CELSR1: variants seen among roughly 807,000 people sequenced by gnomAD.
CELSR1 encodes the protein cadherin EGF LAG seven-pass G-type receptor 1.
In CELSR1, 110 loss-of-function variants were observed where a neutral mutation model predicts 249.1. The observed-to-expected ratio is 0.44, with a 90% CI of 0.38 to 0.52. The LOEUF (loss-of-function observed/expected upper bound fraction) is 0.52, where lower values mean the gene tolerates loss of function less well. CELSR1 is among the 20% of genes least tolerant of loss of function. CELSR1 has a pLI of 0.00. For missense variants in CELSR1, 4,109 were observed against 4,296.4 expected (o/e 0.96, Z 1.22); for synonymous variants, 2,113 against 1,900.0 (o/e 1.11, Z -2.92).
intron 18 of CELSR1, 139 bp downstream of exon 18, chr22:46,389,151 A>G (rs1431273154): frequency 2.1e-6 from 2 of 971,298 alleles, no homozygotes; most frequent in Non-Finnish European, 1.6e-6. Context: ...CAGGGCTCAC[A>G]TTTGAGAAAT....
At chr22:46,419,707 C>T (rs2147369367) in intron 5 of CELSR1, among the ~76,000 whole-genome samples, 1 of 152,366 alleles carries the variant, frequency 6.6e-6, no homozygotes, top group East Asian at 1.9e-4. Flanking sequence ...TACACTCGCC[C>T]ACTCACACTC....
intron 9 of CELSR1, among the ~76,000 whole-genome samples, chr22:46,405,669 A>T (rs2079258505): frequency 6.6e-6 from 1 of 152,092 alleles, no homozygotes; most frequent in Non-Finnish European, 1.5e-5. Context: ...AGGTTATCCC[A>T]CCTGACAAGG....
intron 1 of CELSR1, among the ~76,000 whole-genome samples, chr22:46,495,295 G>A (rs1289186185): frequency 6.6e-6 from 1 of 152,196 alleles, no homozygotes; most frequent in Non-Finnish European, 1.5e-5. Context: ...GTAAGCAACT[G>A]TAATACAAAG....
intron 9 of CELSR1, 128 bp from the exon 10 acceptor site, chr22:46,400,030 T>G (rs2079194616): frequency 4.9e-6 from 5 of 1,029,060 alleles, no homozygotes; most frequent in African/African-American, 1.6e-5. Flanking sequence ...AAGATAGGCT[T>G]AAAAATTAGG....
chr22:46,524,972 C>G (rs1170777102), intron 1 of CELSR1, among the ~76,000 whole-genome samples: 1 of 152,076 alleles, frequency 6.6e-6, no homozygotes, highest in Non-Finnish European at 1.5e-5. Context: ...CCGGCTCATT[C>G]CAGAAATAAT....
intron 30 of CELSR1, 63 bp downstream of exon 30, chr22:46,366,323 G>A (rs2147162357): frequency 1.5e-6 from 2 of 1,338,994 alleles, no homozygotes; most frequent in East Asian, 5.1e-5. Flanking sequence ...AGGTTGGGGT[G>A]GCAGGGGCAA....
At chr22:46,514,625 C>T (rs1016558143) in intron 1 of CELSR1, among the ~76,000 whole-genome samples, 2 of 152,148 alleles carry the variant, frequency 1.3e-5, no homozygotes, top group African/African-American at 4.8e-5. Flanking sequence ...CAGCACCTCC[C>T]CAGACCTCCC....
In CELSR1 at chr22:46,527,369, G is replaced by C. The variant is rs895861595; in HGVS notation, c.3544+6258C>G. 6.6e-6 allele frequency among the ~76,000 whole-genome samples: 1 copy of C among 152,064 alleles called. No homozygotes were observed. The highest frequency in any genetic ancestry group is 1.5e-5 in the Non-Finnish European group (1 of 68,002). On this transcript the variant is annotated intron_variant, in intron 1 of 34. Coordinates refer to ENST00000674500, the MANE Select transcript of CELSR1 (RefSeq NM_001378328.1). This position sits in a 1 kb window ranked among gnomAD's most constrained non-coding sequence, Gnocchi z 5.5. ...ACCCAGCTCTTGCCTAAATCCTCCCGAGGGGGCCCACCAAACCCTCCACAG... is the reference window on the plus strand; with the variant it reads ...ACCCAGCTCTTGCCTAAATCCTCCCCAGGGGGCCCACCAAACCCTCCACAG...
intron 5 of CELSR1, among the ~76,000 whole-genome samples, chr22:46,419,311 G>C (rs1441394552): frequency 6.6e-6 from 1 of 152,182 alleles, no homozygotes; most frequent in Non-Finnish European, 1.5e-5. Context: ...AAAGCAACAC[G>C]TTCCTTCTCT....
intron 5 of CELSR1, among the ~76,000 whole-genome samples, chr22:46,416,913 G>A (rs550728209): frequency 1.4e-5 from 2 of 147,164 alleles, no homozygotes; most frequent in South Asian, 4.4e-4. Context: ...AGACGATTCT[G>A]CATTGGGAGG....
rs1200616328 is a variant in CELSR1, at chr22:46,423,321, C to T, written c.4611+10072G>A. On this transcript the variant is annotated intron_variant, in intron 5 of 34. Transcript: ENST00000674500. This position sits in a 1 kb window ranked among gnomAD's most constrained non-coding sequence, Gnocchi z 5.6. ...AATAATAAATATCTGATCAAGACTC[C>T]ATGCTGGCCAGGCGCGGTGGCTCAC... Among the ~76,000 whole-genome samples the T allele has an allele frequency of 6.6e-6, 1 of 152,194 alleles. No homozygotes were observed.
At chr22:46,366,564 G>A (rs1463072946) in intron 29 of CELSR1, 84 bp from the exon 30 acceptor site, 1 of 1,110,394 alleles carries the variant, frequency 9.0e-7, no homozygotes, top group Middle Eastern at 2.4e-4. Context: ...CCCACGGCAA[G>A]CCCCCCACAC....
At chr22:46,510,480 C>T (rs2080562068) in intron 1 of CELSR1, among the ~76,000 whole-genome samples, 1 of 152,194 alleles carries the variant, frequency 6.6e-6, no homozygotes, top group Non-Finnish European at 1.5e-5. Context: ...AATGTAAGGG[C>T]CCCATGAGGT....
At chr22:46,383,663 AC>A (rs1401856914) in intron 20 of CELSR1, among the ~76,000 whole-genome samples, 2 of 152,122 alleles carry the variant, frequency 1.3e-5, no homozygotes, top group Non-Finnish European at 2.9e-5. Context: ...AGTAGGTGGG[AC>A]TACAGGCATG....
In CELSR1 at chr22:46,535,974, G is replaced by T. The variant is rs746979154; in HGVS notation, c.1197C>A (p.Val399=). Residue 399 remains valine (V), a synonymous_variant, in exon 1 of 35, where the codon GTC becomes GTA. Transcript: ENST00000674500. ...RYRVLGGAWD[V]FQLNESSGVV... ...CGCCAGAGCTCTCGTTGAGCTGGAA[G>T]ACGTCCCACGCGCCCCCCAACACGC... 1 of 1,610,524 alleles carries T rather than the reference G, an allele frequency of 6.2e-7. No individual in the cohort carries two copies.
At chr22:46,502,867 C>T (rs929340517) in intron 1 of CELSR1, among the ~76,000 whole-genome samples, 3 of 152,136 alleles carry the variant, frequency 2.0e-5, no homozygotes, top group Non-Finnish European at 2.9e-5. Flanking sequence ...AAGCATGCTC[C>T]GTAAGAGGTG....
At chr22:46,385,873 T>G (rs550735650) in intron 19 of CELSR1, among the ~76,000 whole-genome samples, 1 of 151,866 alleles carries the variant, frequency 6.6e-6, no homozygotes, top group South Asian at 2.1e-4. Flanking sequence ...GAGACGGGGT[T>G]TCACCATGTT....
Position 46,408,564 on chromosome 22 carries a change from A to C in CELSR1, c.5226+432T>G, listed in dbSNP as rs1602093123. On this transcript the variant is annotated intron_variant, in intron 9 of 34. Transcript: ENST00000674500. This position sits in a 1 kb window ranked among gnomAD's most constrained non-coding sequence, Gnocchi z 4.6. Reference sequence around the variant, plus strand: ...TGGCCAGGCTGGTCTCGAACTTCTGACCTCAGGTGATCCGCCGGCCTCCGC... The same window carrying C: ...TGGCCAGGCTGGTCTCGAACTTCTGCCCTCAGGTGATCCGCCGGCCTCCGC... Among the ~76,000 whole-genome samples the C allele has an allele frequency of 6.6e-6, 1 of 152,006 alleles. No homozygotes were observed. The highest frequency in any genetic ancestry group is 2.4e-5 in the African/African-American group (1 of 41,402).
Position 46,401,964 on chromosome 22 carries a change from T to C in CELSR1, c.5227-2062A>G, listed in dbSNP as rs920611990. Among the ~76,000 whole-genome samples, 3 of 152,228 alleles carry C rather than the reference T, an allele frequency of 2.0e-5. No individual in the cohort carries two copies. In the East Asian group the frequency reaches 5.8e-4, roughly 30 times the overall value. Reference sequence around the variant, plus strand: ...TTAGCTGGGCGTGGTGGCAGGTGCCTGTAGTTCCAGCTGCTTGGGAGGCTG... The same window carrying C: ...TTAGCTGGGCGTGGTGGCAGGTGCCCGTAGTTCCAGCTGCTTGGGAGGCTG... On this transcript the variant is annotated intron_variant, in intron 9 of 34. Coordinates refer to ENST00000674500, the MANE Select transcript of CELSR1 (RefSeq NM_001378328.1). The surrounding 1 kb of genome is among the most constrained non-coding windows in gnomAD (Gnocchi z 4.7).
Sources: allele counts gnomAD v4.1 joint callset (sites outside exome capture counted in the v4.1 genomes callset), GRCh38; gene constraint gnomAD v4.1.1; non-coding constraint Gnocchi (gnomAD v3.1); transcripts MANE v1.5; gene names NCBI Gene and HGNC (gene_info 2026-07-23, HGNC 2026-07-21).